ITPKB: variants seen among roughly 807,000 people sequenced by gnomAD.
The protein encoded by ITPKB is IP3 3-kinase B.
In ITPKB, 13 loss-of-function variants were observed where a neutral mutation model predicts 69.4. The observed-to-expected ratio is 0.19, with a 90% CI of 0.12 to 0.30. The LOEUF is 0.30. Ranked by LOEUF, ITPKB falls within the 10% of genes least tolerant of loss-of-function variation. ITPKB has a pLI of 1.00. For synonymous variants in ITPKB, 584 were observed against 513.7 expected (o/e 1.14, Z -1.85); for missense variants, 1,240 against 1,250.5 (o/e 0.99, Z 0.13).
Position 226,641,406 on chromosome 1 carries a change from T to C in ITPKB, c.2451+515A>G, listed in dbSNP as rs1668958637. ...TTTACTTATAAAGTTTGTCATGTTG[T>C]TTCTTTGGAGCTTATGTTTCTATTT... On this transcript the variant is annotated intron_variant, in intron 5 of 7. Coordinates refer to ENST00000429204, the MANE Select transcript of ITPKB (RefSeq NM_002221.4). This position sits in a 1 kb window ranked among gnomAD's most constrained non-coding sequence, Gnocchi z 4.6. Among the ~76,000 whole-genome samples the C allele has an allele frequency of 6.6e-6, 1 of 152,262 alleles. No individual in the cohort carries two copies. Among genetic ancestry groups the C allele is most frequent in the Non-Finnish European group, 1.5e-5 (1 of 68,052 alleles).
rs1657736321 is a variant in ITPKB, at chr1:226,735,885, CCT to C, written c.1572_1573del (p.Val526AlafsTer14). On this transcript the variant is annotated frameshift_variant, in exon 2 of 8. Transcript: ENST00000429204. LOFTEE classifies it high-confidence loss of function. ...TTCCCAAGTCCCCTCTGATTGCACC[CCT>C]GTGCCACGCGTCCAAGCCAAACCGG... 1.2e-6 allele frequency: 2 copies of C among 1,612,268 alleles called. No homozygotes were observed. The highest frequency in any genetic ancestry group is 1.7e-6 in the Non-Finnish European group (2 of 1,178,604).
intron 2 of ITPKB, among the ~76,000 whole-genome samples, chr1:226,723,812 C>T (rs1202110232): frequency 1.3e-5 from 2 of 152,050 alleles, no homozygotes; most frequent in Non-Finnish European, 2.9e-5. Flanking sequence ...CACCTCTTGC[C>T]GGCAGCTGAA....
At chr1:226,635,197 C>A (rs1031518707) in intron 7 of ITPKB, among the ~76,000 whole-genome samples, 10 of 151,896 alleles carry the variant, frequency 6.6e-5, no homozygotes, top group African/African-American at 2.4e-4. Context: ...TCCTTCCTGC[C>A]TTCCTTCTTT....
At chr1:226,727,064 T>C (rs1657446423) in intron 2 of ITPKB, among the ~76,000 whole-genome samples, 1 of 152,348 alleles carries the variant, frequency 6.6e-6, no homozygotes, top group Middle Eastern at 3.4e-3. Flanking sequence ...ATTACAGAAG[T>C]GATACTCCCA....
chr1:226,697,680 T>C (rs1308150363), intron 2 of ITPKB, among the ~76,000 whole-genome samples: 1 of 152,184 alleles, frequency 6.6e-6, no homozygotes, highest in Non-Finnish European at 1.5e-5. Flanking sequence ...ACCACAACTA[T>C]GGGAGCTAGA....
intron 2 of ITPKB, chr1:226,707,414 C>A (rs1182875062): frequency 4.6e-6 from 2 of 432,574 alleles, no homozygotes; most frequent in South Asian, 9.8e-5. Flanking sequence ...CCAGGCTGGT[C>A]TCAATCTCTT....
rs570836682 is a variant in ITPKB, at chr1:226,686,085, C to T, written c.1933-37314G>A. On this transcript the variant is annotated intron_variant, in intron 2 of 7. Coordinates refer to ENST00000429204, the MANE Select transcript of ITPKB (RefSeq NM_002221.4). Reference sequence around the variant, plus strand: ...GGAAAGGGAATGGCAGATAAAGCGACCCCCCGCCCTAAAAGGCTTACCAGG... The same window carrying T: ...GGAAAGGGAATGGCAGATAAAGCGATCCCCCGCCCTAAAAGGCTTACCAGG... Among the ~76,000 whole-genome samples the T allele has an allele frequency of 4.6e-5, 7 of 152,220 alleles. No homozygotes were observed. The South Asian group carries it at 1.2e-3, about 27-fold the overall frequency.
At chr1:226,707,558 GA>G (rs1656832855) in intron 2 of ITPKB, 1 of 985,236 alleles carries the variant, frequency 1.0e-6, no homozygotes, top group East Asian at 1.1e-4. Flanking sequence ...TTAAGTAACT[GA>G]CAGCTTACTA....
intron 2 of ITPKB, among the ~76,000 whole-genome samples, chr1:226,671,338 CCT>C (rs1257128308): frequency 6.6e-6 from 1 of 152,174 alleles, no homozygotes; most frequent in Non-Finnish European, 1.5e-5. Context: ...GGAGTGAGCC[CCT>C]GAGGGCAGGG....
rs567753230 is a variant in ITPKB at position 226,738,449 on chromosome 1, TG to T, written c.-206+591del. ...GCTGCCCCCCTGCCGTCGTCCCCTA[TG>T]GGGGGGTGTCTGTGAGTGTGTGTGT... On this transcript the variant is annotated intron_variant, in intron 1 of 7. Coordinates refer to ENST00000429204, the MANE Select transcript of ITPKB (RefSeq NM_002221.4). This position sits in a 1 kb window ranked among gnomAD's most constrained non-coding sequence, Gnocchi z 4.2. 6.6e-6 allele frequency among the ~76,000 whole-genome samples: 1 copy of T among 152,110 alleles called. No individual in the cohort carries two copies. Among genetic ancestry groups the T allele is most frequent in the Non-Finnish European group, 1.5e-5 (1 of 67,996 alleles).
intron 2 of ITPKB, chr1:226,707,760 T>G (rs909608952): frequency 2.5e-5 from 27 of 1,063,134 alleles, no homozygotes; most frequent in Non-Finnish European, 3.0e-5. Context: ...CCAATGGTCG[T>G]AGGGAAACTG....
chr1:226,727,010 C>T (rs1286287202), intron 2 of ITPKB, among the ~76,000 whole-genome samples: 2 of 152,162 alleles, frequency 1.3e-5, no homozygotes, highest in Admixed American at 1.3e-4. Context: ...TTGTCATACA[C>T]AGGCCTTTTC....
intron 2 of ITPKB, among the ~76,000 whole-genome samples, chr1:226,652,487 G>A (rs141817886): frequency 3.3e-5 from 5 of 152,326 alleles, no homozygotes; most frequent in African/African-American, 1.2e-4. Flanking sequence ...ACCCAGAGGG[G>A]TTTATCCCGT....
chr1:226,738,747 G>A lies in ITPKB; in HGVS notation c.-206+294C>T, dbSNP rs1657899940. Among the ~76,000 whole-genome samples the A allele has an allele frequency of 2.0e-5, 3 of 152,188 alleles. No individual in the cohort carries two copies. Among genetic ancestry groups the A allele is most frequent in the Non-Finnish European group, 4.4e-5 (3 of 68,022 alleles). On this transcript the variant is annotated intron_variant, in intron 1 of 7. Transcript: ENST00000429204. The surrounding 1 kb of genome is among the most constrained non-coding windows in gnomAD (Gnocchi z 4.2). ...TCCCGGGCAGCCTCGCCCGGCGCCA[G>A]CAGAGCCGCCCCGAGACCCCAGCCT... is the stretch of plus-strand genomic sequence containing the variant.
intron 2 of ITPKB, among the ~76,000 whole-genome samples, chr1:226,710,268 C>A (rs544020947): frequency 5.9e-5 from 9 of 152,196 alleles, no homozygotes; most frequent in Admixed American, 4.6e-4. Context: ...CTAGTTATTT[C>A]TTTTTAGAAA....
chr1:226,680,651 T>C (rs1403510774), intron 2 of ITPKB, among the ~76,000 whole-genome samples: 1 of 152,160 alleles, frequency 6.6e-6, no homozygotes, highest in Non-Finnish European at 1.5e-5. Context: ...GAGATGGATA[T>C]TGATGATAGG....
chr1:226,642,929 G>A lies in ITPKB; in HGVS notation c.2247-804C>T, dbSNP rs1467763030. ...AAGTTCAGGTCAGAAAGTGGCCTTG[G>A]AAGGGGTCCCAGTGTGGATGGAGAA... On this transcript the variant is annotated intron_variant, in intron 4 of 7. Coordinates refer to ENST00000429204, the MANE Select transcript of ITPKB (RefSeq NM_002221.4). This position sits in a 1 kb window ranked among gnomAD's most constrained non-coding sequence, Gnocchi z 6.4. Among the ~76,000 whole-genome samples the A allele has an allele frequency of 6.6e-6, 1 of 152,192 alleles. No homozygotes were observed. The highest frequency in any genetic ancestry group is 1.5e-5 in the Non-Finnish European group (1 of 68,032).
At chr1:226,702,263 G>C (rs183190821) in intron 2 of ITPKB, among the ~76,000 whole-genome samples, 5 of 152,074 alleles carry the variant, frequency 3.3e-5, no homozygotes, top group African/African-American at 1.2e-4. Context: ...CGGGTGTGGT[G>C]GTGGGCGCCT....
chr1:226,673,667 G>C (rs1172882122), intron 2 of ITPKB, among the ~76,000 whole-genome samples: 2 of 152,172 alleles, frequency 1.3e-5, no homozygotes, highest in Admixed American at 6.5e-5. Context: ...AAATAGTGTA[G>C]ATATTGCATA....
Sources: gnomAD v4.1 joint callset for allele counts (sites outside exome capture counted in the v4.1 genomes callset) on GRCh38, gnomAD v4.1.1 for gene constraint, Gnocchi (gnomAD v3.1) non-coding constraint, MANE v1.5 for transcripts, NCBI Gene and HGNC (gene_info 2026-07-23, HGNC 2026-07-21) for gene names.